CHST9: variants seen among roughly 807,000 people sequenced by gnomAD.
CHST9 encodes carbohydrate sulfotransferase 9, also known as GalNAc-4-sulfotransferase 2.
A neutral mutation model predicts 44.4 loss-of-function variants in CHST9; 41 were observed. The ratio of observed to expected loss-of-function variants is 0.92; its 90% confidence interval spans 0.72 to 1.20. The LOEUF (loss-of-function observed/expected upper bound fraction) is 1.20. Among genes scored for constraint, CHST9 ranks in the 50% most tolerant of loss-of-function variants. CHST9 has a pLI of 0.00. For synonymous variants in CHST9, 171 were observed against 178.4 expected (o/e 0.96, Z 0.33); for missense variants, 504 against 516.5 (o/e 0.98, Z 0.23).
chr18:27,053,570 T>A (rs990394380), intron 2 of CHST9, among the ~76,000 whole-genome samples: 2 of 152,184 alleles, frequency 1.3e-5, no homozygotes, highest in Admixed American at 1.3e-4. Context: ...CCTGGGGTTA[T>A]CTATTTTCTA....
chr18:26,939,169 G>A (rs1346054103), intron 5 of CHST9, among the ~76,000 whole-genome samples: 1 of 152,148 alleles, frequency 6.6e-6, no homozygotes, highest in African/African-American at 2.4e-5. Flanking sequence ...TATAGCAAAA[G>A]GGCAGAGAAA....
chr18:27,064,582 G>T (rs1342973722), intron 2 of CHST9, among the ~76,000 whole-genome samples: 9 of 152,196 alleles, frequency 5.9e-5, no homozygotes, highest in Admixed American at 5.9e-4. Context: ...ATCATGGTGG[G>T]TGCATTTTTC....
chr18:27,119,832 A>T (rs189077905), intron 2 of CHST9, among the ~76,000 whole-genome samples: 20 of 152,230 alleles, frequency 1.3e-4, no homozygotes, highest in South Asian at 6.2e-4. Flanking sequence ...CAGAGAATGA[A>T]CCAATGTTAA....
At chr18:27,137,828 A>G (rs1440451007) in intron 2 of CHST9, among the ~76,000 whole-genome samples, 1 of 152,200 alleles carries the variant, frequency 6.6e-6, no homozygotes, top group Non-Finnish European at 1.5e-5. Context: ...TCCATATAGC[A>G]GTAAGATTCT....
At chr18:27,113,918 G>T (rs2058297637) in intron 2 of CHST9, among the ~76,000 whole-genome samples, 1 of 152,140 alleles carries the variant, frequency 6.6e-6, no homozygotes, top group Non-Finnish European at 1.5e-5. Flanking sequence ...TTAGCATTTT[G>T]CAAATAGAAA....
At chr18:27,028,649 G>A (rs774372508) in intron 3 of CHST9, among the ~76,000 whole-genome samples, 1 of 151,942 alleles carries the variant, frequency 6.6e-6, no homozygotes, top group Non-Finnish European at 1.5e-5. Context: ...CCGGGTTCAC[G>A]CCGTTCTCCT....
At position 27,120,676 on chromosome 18, in the gene CHST9, T is replaced by C. The variant is rs76958012; in HGVS notation, c.121+22013A>G. ...ATGTGCCTTTGGGCAAATTATTTAT[T>C]TTCTCTGTGACTCAGTTTCCTCAAT... is the stretch of plus-strand genomic sequence containing the variant. On this transcript the variant is annotated intron_variant, in intron 2 of 5. Transcript: ENST00000618847. Among the ~76,000 whole-genome samples the C allele has an allele frequency of 3.0e-3, 454 of 152,346 alleles. 10 individuals are homozygous for C. In the East Asian group the frequency reaches 0.067, roughly 23 times the overall value.
chr18:27,045,493 T>A (rs1411274264), intron 3 of CHST9, among the ~76,000 whole-genome samples: 2 of 152,012 alleles, frequency 1.3e-5, no homozygotes, highest in African/African-American at 2.4e-5. Flanking sequence ...CTGATCTTTT[T>A]AAAAATTTTC....
At chr18:27,088,358 A>G (rs1365766452) in intron 2 of CHST9, among the ~76,000 whole-genome samples, 2 of 151,812 alleles carry the variant, frequency 1.3e-5, no homozygotes, top group African/African-American at 4.8e-5. Flanking sequence ...CTTAGTTACA[A>G]GCATTTGTAC....
At chr18:27,131,083 C>T (rs903184204) in intron 2 of CHST9, among the ~76,000 whole-genome samples, 2 of 152,148 alleles carry the variant, frequency 1.3e-5, no homozygotes, top group African/African-American at 4.8e-5. Context: ...AGTGAGTATC[C>T]TAGAGAATAC....
At chr18:27,146,527 GA>G (rs2058613830) in intron 1 of CHST9, among the ~76,000 whole-genome samples, 1 of 152,170 alleles carries the variant, frequency 6.6e-6, no homozygotes, top group Admixed American at 6.5e-5. Flanking sequence ...CAAGCCTGCG[GA>G]AAAAGTGCAG....
Position 27,089,810 on chromosome 18 carries a change from C to CTTTT in CHST9, c.122-41311_122-41308dup, listed in dbSNP as rs56057285. Among the ~76,000 whole-genome samples the CTTTT allele has an allele frequency of 2.9e-4, 36 of 124,704 alleles. 2 individuals carry two copies. The highest frequency in any genetic ancestry group is 4.0e-4 in the African/African-American group (13 of 32,228). The allele number at this position is 124,704 out of a possible 152,430, so 81.8% of individuals were successfully genotyped here. A position where few individuals can be genotyped will look rare whatever the true frequency, so the allele number is the denominator to read the frequency against. On this transcript the variant is annotated intron_variant, in intron 2 of 5. Transcript: ENST00000618847. Reference sequence around the variant, plus strand: ...CTCTGCAGCATCTGTTGTTTCCTGACTTTTTTTTTTTTTTTTTTGAGACAG... The same window carrying CTTTT: ...CTCTGCAGCATCTGTTGTTTCCTGACTTTTTTTTTTTTTTTTTTTTTTGAGACAG...
chr18:27,012,964 G>A (rs2057103517), intron 4 of CHST9, among the ~76,000 whole-genome samples: 1 of 152,196 alleles, frequency 6.6e-6, no homozygotes, highest in South Asian at 2.1e-4. Flanking sequence ...CTAACAGTGT[G>A]CAAAATGTTA....
chr18:27,053,130 GGAAGAAGAAGAAGAA>G lies in CHST9; in HGVS notation c.122-4642_122-4628del, dbSNP rs200427246. 8.8e-3 allele frequency among the ~76,000 whole-genome samples: 626 copies of G among 71,202 alleles called. 2 individuals carry two copies. Among genetic ancestry groups the G allele is most frequent in the South Asian group, 0.017 (27 of 1,608 alleles). 46.7% of individuals were successfully genotyped at this position (71,202 alleles called of 152,430 possible). On this transcript the variant is annotated intron_variant, in intron 2 of 5. Coordinates refer to ENST00000618847, the MANE Select transcript of CHST9 (RefSeq NM_031422.6). The stretch of plus-strand genomic sequence containing the variant: ...AAGAAGAAGAGGAGGAGGAAGAAGA[GGAAGAAGAAGAAGAA>G]GAAGAAGAAGAAGAAGAAGAAGAAG...
chr18:27,046,846 C>A (rs1292193872), intron 3 of CHST9, among the ~76,000 whole-genome samples: 1 of 152,038 alleles, frequency 6.6e-6, no homozygotes, highest in Admixed American at 6.6e-5. Context: ...TCATAGAAAT[C>A]AGGCAATTGA....
intron 2 of CHST9, among the ~76,000 whole-genome samples, chr18:27,086,946 A>G (rs1279411940): frequency 6.6e-6 from 1 of 151,138 alleles, no homozygotes; most frequent in Non-Finnish European, 1.5e-5. Context: ...TTAATTTTCT[A>G]AAAAAAAATA....
chr18:26,984,550 C>T (rs2056731431), intron 4 of CHST9, among the ~76,000 whole-genome samples: 1 of 151,610 alleles, frequency 6.6e-6, no homozygotes, highest in East Asian at 1.9e-4. Flanking sequence ...TTTTATTATC[C>T]AAAGACACCA....
intron 2 of CHST9, among the ~76,000 whole-genome samples, chr18:27,060,909 G>A (rs763488862): frequency 7.9e-5 from 12 of 152,224 alleles, no homozygotes; most frequent in East Asian, 1.9e-4. Context: ...TTACAGGCAT[G>A]TGCCATCACA....
chr18:27,019,115 C>T (rs1286635626), intron 4 of CHST9, among the ~76,000 whole-genome samples: 1 of 152,154 alleles, frequency 6.6e-6, no homozygotes, highest in African/African-American at 2.4e-5. Context: ...CGATGTACCT[C>T]CCTCCCTTTG....
Sources: gnomAD v4.1 joint callset for allele counts (sites outside exome capture counted in the v4.1 genomes callset) on GRCh38, gnomAD v4.1.1 for gene constraint, MANE v1.5 for transcripts, NCBI Gene and HGNC (gene_info 2026-07-23, HGNC 2026-07-21) for gene names.